SYT5: variants seen among roughly 807,000 people sequenced by gnomAD.
SYT5 encodes the protein synaptotagmin 5.
A neutral mutation model predicts 36.0 loss-of-function variants in SYT5; 29 were observed. The ratio of observed to expected loss-of-function variants is 0.81; its 90% CI spans 0.60 to 1.10. The LOEUF is 1.10. SYT5 is among the 50% of genes least tolerant of loss of function. The pLI is 0.00. For missense variants in SYT5, 512 were observed against 516.0 expected (o/e 0.99, Z 0.08); for synonymous variants, 231 against 227.6 (o/e 1.02, Z -0.14).
rs2086140484 is a variant in SYT5 at position 55,180,282 on chromosome 19, GC to G, written c.-212del. On this transcript the variant is annotated 5_prime_UTR_variant, in exon 1 of 9. Coordinates refer to ENST00000354308, the MANE Select transcript of SYT5 (RefSeq NM_003180.3). ...AGCAGGATCCCGTGCGCGCGTGTGT[GC>G]CCGTGTGCGTGTGCGCGCGTGTGTG... 1 of 152,292 alleles carries G rather than the reference GC, an allele frequency of 6.6e-6. No individual in the cohort carries two copies. Among genetic ancestry groups the G allele is most frequent in the Non-Finnish European group, 1.5e-5 (1 of 68,150 alleles). 9.4% of individuals were successfully genotyped at this position (152,292 alleles called of 1,614,324 possible). A position where few individuals can be genotyped will look rare whatever the true frequency, so the allele number is the denominator to read the frequency against.
rs557331826 is a variant in SYT5, at chr19:55,176,023, A to C, written c.354T>G (p.Tyr118Ter). 1 of 1,614,138 alleles carries C rather than the reference A, an allele frequency of 6.2e-7. No homozygotes were observed. Among genetic ancestry groups the C allele is most frequent in the Non-Finnish European group, 8.5e-7 (1 of 1,180,020 alleles). ...CACCCACCTGGCCACTCTGGAAGTC[A>C]TAATCCAGGGAGTACTGCAGTCGTC... Reference protein sequence around the residue: ...ELGRLQYSLDYDFQSGQLLVG... With the variant: ...ELGRLQYSLD Residue 118 changes from tyrosine to a stop codon, truncating the protein, a stop_gained, in exon 4 of 9, where the codon TAT becomes TAG. Transcript: ENST00000354308. LOFTEE classifies it high-confidence loss of function.
chr19:55,175,308 A>G lies in SYT5; in HGVS notation c.572T>C (p.Leu191Pro). 2 of 1,560,134 alleles carry G rather than the reference A, an allele frequency of 1.3e-6. No homozygotes were observed. The highest frequency in any genetic ancestry group is 1.7e-6 in the Non-Finnish European group (2 of 1,154,712). The change falls in exon 6 of 9, where the codon CTG becomes CCG. Residue 191 changes from leucine (L) to proline (P), a missense_variant. Transcript: ENST00000354308. The surrounding 1 kb of genome is among the most constrained non-coding windows in gnomAD (Gnocchi z 4.5). ...GTCGAAGTCGTACACCGCCATGACC[A>G]GCACCCTGCCCCCCAGCTCCACGTA... Reference protein sequence around the residue: ...VPYVELGGRVLVMAVYDFDRF... With the variant: ...VPYVELGGRVPVMAVYDFDRF...
chr19:55,176,461 G>A (rs1372067022), intron 3 of SYT5, among the ~76,000 whole-genome samples: 2 of 152,228 alleles, frequency 1.3e-5, no homozygotes, highest in Non-Finnish European at 2.9e-5. Flanking sequence ...ATGTACTGGG[G>A]TGCTAGTCCA....
intron 3 of SYT5, among the ~76,000 whole-genome samples, chr19:55,177,705 C>A (rs2086091966): frequency 6.6e-6 from 1 of 152,096 alleles, no homozygotes; most frequent in Non-Finnish European, 1.5e-5. Context: ...TGGGATTATA[C>A]CACACCACCA....
intron 3 of SYT5, chr19:55,176,361 C>T (rs981737939): frequency 5.4e-6 from 3 of 557,360 alleles, no homozygotes; most frequent in Non-Finnish European, 9.5e-6. Flanking sequence ...AGGAACTAGA[C>T]ATGTGCTTGT....
At chr19:55,177,321 A>G (rs116920913) in intron 3 of SYT5, 2,187 of 152,280 alleles carry the variant, frequency 0.014, 26 homozygotes, top group Non-Finnish European at 0.022. Flanking sequence ...GAATCTGGAT[A>G]TGGGGCCTGA....
intron 8 of SYT5, 64 bp downstream of exon 8, chr19:55,174,453 C>T: frequency 1.3e-6 from 2 of 1,576,560 alleles, no homozygotes; most frequent in Non-Finnish European, 1.7e-6. Flanking sequence ...AAAAGTCTCC[C>T]TCCGCCTAGC....
chr19:55,178,440 TGGAAGCTG>T, intron 2 of SYT5, 72 bp from the exon 3 acceptor site: 3 of 1,472,304 alleles, frequency 2.0e-6, no homozygotes, highest in Non-Finnish European at 2.7e-6. Flanking sequence ...TGATTACACG[TGGAAGCTG>T]GAATGCTGGC....
chr19:55,177,965 T>C (rs1009262479), intron 3 of SYT5, among the ~76,000 whole-genome samples: 16 of 152,234 alleles, frequency 1.1e-4, no homozygotes, highest in Admixed American at 5.2e-4. Context: ...GGTGAGTGTC[T>C]GTGTCAGTGC....
intron 3 of SYT5, 38 bp downstream of exon 3, chr19:55,178,158 G>C (rs568540486): frequency 8.8e-5 from 141 of 1,594,010 alleles, no homozygotes; most frequent in Non-Finnish European, 1.2e-4. Context: ...AGCAGGGTGC[G>C]GGAAGGGGCC....
chr19:55,173,284 G>C lies in SYT5; in HGVS notation c.*200C>G. On this transcript the variant is annotated 3_prime_UTR_variant, in exon 9 of 9. Coordinates refer to ENST00000354308, the MANE Select transcript of SYT5 (RefSeq NM_003180.3). This position sits in a 1 kb window ranked among gnomAD's most constrained non-coding sequence, Gnocchi z 5.4. ...ATCTGGGTGTGTCCGCGAGGGTCGG[G>C]GGAGTGTGCTGGAAAGTTGTCGTGA... is the stretch of plus-strand genomic sequence containing the variant. 1 of 446,562 alleles carries C rather than the reference G, an allele frequency of 2.2e-6. No individual in the cohort carries two copies. Among genetic ancestry groups the C allele is most frequent in the Non-Finnish European group, 3.7e-6 (1 of 266,860 alleles). 27.7% of individuals were successfully genotyped at this position (446,562 alleles called of 1,614,324 possible).
In SYT5 at chr19:55,178,231, C is replaced by T. The variant is rs768339461; in HGVS notation, c.217G>A (p.Glu73Lys). Residue 73 changes from glutamate (E) to lysine (K), a missense_variant, in exon 3 of 9, where the codon GAA becomes AAA. Glu to Lys is a moderately conservative substitution (Grantham distance 56, BLOSUM62 1). Transcript: ENST00000354308. ...TAACTCTGGCCCAGCCCCTTCACTT[C>T]CTGAAGGTGGACCTGGGCTTGGGCC... is the stretch of plus-strand genomic sequence containing the variant. ...SQAQAQVHLQ[E>K]VKGLGQSYID... 9.9e-6 allele frequency: 16 copies of T among 1,609,428 alleles called. No homozygotes were observed. In the South Asian group the frequency reaches 1.7e-4, roughly 17 times the overall value.
At chr19:55,178,753 A>ATTTTTTTT (rs5828614) in intron 2 of SYT5, among the ~76,000 whole-genome samples, 7 of 50,484 alleles carry the variant, frequency 1.4e-4, no homozygotes, top group African/African-American at 6.8e-4. Context: ...TCCGGTTTCG[A>ATTTTTTTT]TTTTTTTTTT....
Position 55,179,863 on chromosome 19 carries a change from T to G in SYT5, c.-46+254A>C, listed in dbSNP as rs1036108607. 3.9e-5 allele frequency: 6 copies of G among 153,238 alleles called. No homozygotes were observed. The highest frequency in any genetic ancestry group is 1.4e-4 in the African/African-American group (6 of 41,566). The allele number at this position is 153,238 out of a possible 1,614,324, so 9.5% of individuals were successfully genotyped here. ...CCTGTGTCTGCCTCCCCAACCCGCC[T>G]GTCTCTCTTCCCTATCGCCTGGCCT... On this transcript the variant is annotated intron_variant, in intron 1 of 8. Coordinates refer to ENST00000354308, the MANE Select transcript of SYT5 (RefSeq NM_003180.3). This position sits in a 1 kb window ranked among gnomAD's most constrained non-coding sequence, Gnocchi z 4.5.
At position 55,173,429 on chromosome 19, in the gene SYT5, G is replaced by C. The variant is rs951077143; in HGVS notation, c.*55C>G. 1.2e-4 allele frequency: 151 copies of C among 1,304,046 alleles called. No homozygotes were observed. Among genetic ancestry groups the C allele is most frequent in the Non-Finnish European group, 1.4e-4 (142 of 1,024,944 alleles). The allele number at this position is 1,304,046 out of a possible 1,614,324, so 80.8% of individuals were successfully genotyped here. A position where few individuals can be genotyped will look rare whatever the true frequency, so the allele number is the denominator to read the frequency against. ...GCTGGCTTGGCTTTGGCCGGTCTCG[G>C]GAGTCTGGGGTCAGGGGCTAGAGTC... On this transcript the variant is annotated 3_prime_UTR_variant, in exon 9 of 9. Coordinates refer to ENST00000354308, the MANE Select transcript of SYT5 (RefSeq NM_003180.3). This position sits in a 1 kb window ranked among gnomAD's most constrained non-coding sequence, Gnocchi z 5.4.
chr19:55,178,460 T>G (rs576851371), intron 2 of SYT5, 92 bp from the exon 3 acceptor site: 6 of 1,356,144 alleles, frequency 4.4e-6, no homozygotes, highest in African/African-American at 2.9e-5. Flanking sequence ...AATGCTGGCC[T>G]CCTTTTCCCT....
chr19:55,174,691 G>A (rs1030475452), intron 7 of SYT5, 41 bp from the exon 8 acceptor site: 6 of 1,613,384 alleles, frequency 3.7e-6, no homozygotes, highest in Admixed American at 1.7e-5. Context: ...CCCCACTGCT[G>A]GGTTGTTGGA....
rs6509933 is a variant in SYT5, at chr19:55,171,736, T to C, written c.*1748A>G. ...GTCCCAGCTACTCACACAGGAGGAT[T>C]GCAGGAGTTTGAAACCAGCCTGTGC... is the stretch of plus-strand genomic sequence containing the variant. On this transcript the variant is annotated 3_prime_UTR_variant, in exon 9 of 9. Transcript: ENST00000354308. The C allele has an allele frequency of 0.49, 74,773 of 151,934 alleles. 21,198 individuals carry two copies. Among genetic ancestry groups the C allele is most frequent in the African/African-American group, 0.78 (32,429 of 41,414 alleles). 9.4% of individuals were successfully genotyped at this position (151,934 alleles called of 1,614,324 possible).
At position 55,175,067 on chromosome 19, in the gene SYT5, A is replaced by G; in HGVS notation, c.709-68T>C. The G allele has an allele frequency of 2.5e-6, 4 of 1,598,644 alleles. No homozygotes were observed. On this transcript the variant is annotated intron_variant, in intron 6 of 8. Transcript: ENST00000354308. This position sits in a 1 kb window ranked among gnomAD's most constrained non-coding sequence, Gnocchi z 4.5. ...CCATGCCTCCTCAGGGGTACAATCC[A>G]CGCCGCCCTGAGGGTCTGGAAAGCC...
Sources: allele counts gnomAD v4.1 joint callset (sites outside exome capture counted in the v4.1 genomes callset), GRCh38; gene constraint gnomAD v4.1.1; non-coding constraint Gnocchi (gnomAD v3.1); transcripts MANE v1.5; gene names NCBI Gene and HGNC (gene_info 2026-07-23, HGNC 2026-07-21).